IKZF4: variants seen among roughly 807,000 people sequenced by gnomAD.
The protein encoded by IKZF4 is zinc finger protein Eos.
In IKZF4, 11 loss-of-function variants were observed where a neutral mutation model predicts 47.7. That is an observed-to-expected ratio of 0.23 (90% confidence interval 0.15 to 0.38). IKZF4 has a LOEUF of 0.38. IKZF4 is among the 10% of genes least tolerant of loss of function. The pLI is 1.00. For synonymous variants in IKZF4, 298 were observed against 299.4 expected (o/e 1.00, Z 0.05); for missense variants, 557 against 784.9 (o/e 0.71, Z 3.47).
intron 1 of IKZF4, among the ~76,000 whole-genome samples, chr12:56,008,897 G>A (rs1474391102): frequency 6.6e-6 from 1 of 151,782 alleles, no homozygotes; most frequent in Non-Finnish European, 1.5e-5. Context: ...GGCTGGTCTT[G>A]AACTCCTGAC....
chr12:56,030,548 G>A (rs1399868730), intron 5 of IKZF4, among the ~76,000 whole-genome samples: 1 of 152,092 alleles, frequency 6.6e-6, no homozygotes, highest in African/African-American at 2.4e-5. Flanking sequence ...TGACCAACAT[G>A]GAGAAACCCT....
chr12:56,009,637 G>A (rs1891109414), intron 1 of IKZF4, among the ~76,000 whole-genome samples: 1 of 152,232 alleles, frequency 6.6e-6, no homozygotes, highest in African/African-American at 2.4e-5. Context: ...AGCTTCTGGG[G>A]TGGGCTTCAG....
At chr12:56,034,523 T>C (rs749891719) in intron 7 of IKZF4, 48 bp from the exon 8 acceptor site, 14 of 1,526,846 alleles carry the variant, frequency 9.2e-6, no homozygotes, top group East Asian at 9.1e-5. Context: ...CTGAGGAGAG[T>C]GTAGGAATTC....
rs971145068 is a variant in IKZF4, at chr12:56,037,687, G to C, written c.*2356G>C. The C allele has an allele frequency of 6.6e-6, 1 of 152,624 alleles. No homozygotes were observed. The highest frequency in any genetic ancestry group is 1.9e-4 in the East Asian group (1 of 5,184). 9.5% of individuals were successfully genotyped at this position (152,624 alleles called of 1,614,324 possible). A position where few individuals can be genotyped will look rare whatever the true frequency, so the allele number is the denominator to read the frequency against. Reference sequence around the variant, plus strand: ...AGCAGAGACTGGAAGGGCAAGACCAGGTGCTAAGGAGGGGAGAGGGGGCAT... The same window carrying C: ...AGCAGAGACTGGAAGGGCAAGACCACGTGCTAAGGAGGGGAGAGGGGGCAT... On this transcript the variant is annotated 3_prime_UTR_variant, in exon 8 of 8. Transcript: ENST00000547167.
chr12:56,034,189 CCG>C, intron 7 of IKZF4, among the ~76,000 whole-genome samples: 1 of 152,300 alleles, frequency 6.6e-6, no homozygotes, highest in South Asian at 2.1e-4. Flanking sequence ...GCGTGAGCCA[CCG>C]CGCCCGGCCC....
At chr12:56,019,457 A>G (rs1892564598), upstream of IKZF4, 1 of 759,030 alleles carries the variant, frequency 1.3e-6, no homozygotes, top group Admixed American at 6.3e-5. Context: ...TAAGGAGGGA[A>G]GGAGTTGGAA....
chr12:56,038,117 A>T lies in IKZF4; in HGVS notation c.*2786A>T, dbSNP rs1895774135. ...AAGTTATGAAGAACAAAAAGAAAAAATAAACACAGAAGCAAGTGCAATACC... is the reference window on the plus strand; with the variant it reads ...AAGTTATGAAGAACAAAAAGAAAAATTAAACACAGAAGCAAGTGCAATACC... On this transcript the variant is annotated 3_prime_UTR_variant, in exon 8 of 8. Transcript: ENST00000547167. The T allele has an allele frequency of 6.6e-6, 1 of 151,554 alleles. No individual in the cohort carries two copies. The highest frequency in any genetic ancestry group is 1.5e-5 in the Non-Finnish European group (1 of 67,832). The allele number at this position is 151,554 out of a possible 1,614,324, so 9.4% of individuals were successfully genotyped here.
intron 6 of IKZF4, 25 bp downstream of exon 6, chr12:56,032,735 G>A: frequency 6.2e-7 from 1 of 1,613,438 alleles, no homozygotes; most frequent in South Asian, 1.1e-5. Context: ...GTACTACTGG[G>A]GAGTTAAAAG....
Position 56,035,165 on chromosome 12 carries a change from A to G in IKZF4, c.1592A>G (p.Lys531Arg). ...GESGEPVKAF[K>R]CEHCRILFLD... ...AGTGGTGAGCCTGTGAAGGCCTTCAAGTGTGAGCACTGCCGTATCCTCTTC... is the reference window on the plus strand; with the variant it reads ...AGTGGTGAGCCTGTGAAGGCCTTCAGGTGTGAGCACTGCCGTATCCTCTTC... Residue 531 changes from lysine (K) to arginine (R), a missense_variant, in exon 8 of 8, where the codon AAG (lysine) becomes AGG (arginine). Lys to Arg is a conservative substitution (Grantham distance 26). This residue lies in a region of IKZF4 where 280 missense variants were observed against 314.0 expected (regional missense o/e 0.89). Transcript: ENST00000547167. The surrounding 1 kb of genome is among the most constrained non-coding windows in gnomAD (Gnocchi z 6.1). 2.5e-6 allele frequency: 4 copies of G among 1,614,204 alleles called. No individual in the cohort carries two copies. Among genetic ancestry groups the G allele is most frequent in the Non-Finnish European group, 8.5e-7 (1 of 1,180,016 alleles).
chr12:56,011,241 T>C (rs1891289121), intron 1 of IKZF4: 1 of 152,232 alleles, frequency 6.6e-6, no homozygotes, highest in Non-Finnish European at 1.5e-5. Flanking sequence ...AGAGCTATAC[T>C]TGGGGGTACA....
At chr12:56,031,236 G>C (rs1323788012) in intron 5 of IKZF4, among the ~76,000 whole-genome samples, 1 of 152,160 alleles carries the variant, frequency 6.6e-6, no homozygotes, top group African/African-American at 2.4e-5. Flanking sequence ...AGGCAACAGA[G>C]TAAGACTCTG....
intron 2 of IKZF4, among the ~76,000 whole-genome samples, chr12:56,011,898 A>G (rs1374623035): frequency 1.3e-5 from 2 of 152,104 alleles, no homozygotes; most frequent in Non-Finnish European, 2.9e-5. Flanking sequence ...CTCCTCAATT[A>G]TGCAAAGCTT....
intron 5 of IKZF4, among the ~76,000 whole-genome samples, chr12:56,030,614 T>A (rs1894773249): frequency 6.6e-6 from 1 of 150,776 alleles, no homozygotes. Context: ...CTGTAATCCC[T>A]GCTACTCGGG....
Position 56,021,538 on chromosome 12 carries a change from C to T in IKZF4, c.45C>T (p.Gly15=). Reference sequence around the variant, plus strand: ...TCCCTCGCCGTTTCCAAGGCGGCGGCCGCGTTCGCACCCCAGGGTCTCACC... The same window carrying T: ...TCCCTCGCCGTTTCCAAGGCGGCGGTCGCGTTCGCACCCCAGGGTCTCACC... ...PALPRRFQGG[G]RVRTPGSHRQ... The change falls in exon 1 of 8, where the codon GGC becomes GGT. Residue 15 remains glycine, a synonymous_variant. Transcript: ENST00000547167. The T allele has an allele frequency of 6.2e-7, 1 of 1,609,402 alleles. No homozygotes were observed.
chr12:56,008,867 G>C (rs1891019332), intron 1 of IKZF4, among the ~76,000 whole-genome samples: 1 of 151,776 alleles, frequency 6.6e-6, no homozygotes, highest in South Asian at 2.1e-4. Context: ...GTAGAGATGG[G>C]GGTCTCACCA....
Position 56,034,936 on chromosome 12 carries a change from G to A in IKZF4, c.1363G>A (p.Asp455Asn), listed in dbSNP as rs546379431. The change falls in exon 8 of 8, where the codon GAC (aspartate) becomes AAC (asparagine). Residue 455 changes from aspartate (D) to asparagine (N), a missense_variant. Around this residue, in one of 6 missense-constraint regions of IKZF4, gnomAD observed 280 missense variants for 314.0 expected, o/e 0.89. Transcript: ENST00000547167. ...GGCATCCCCCAGCAATGGCTGCCAGGACTCCACAGACACAGAAAGCAACCA... is the reference window on the plus strand; with the variant it reads ...GGCATCCCCCAGCAATGGCTGCCAGAACTCCACAGACACAGAAAGCAACCA... The part of the protein sequence containing the change: ...PGASPSNGCQ[D>N]STDTESNHED... The A allele has an allele frequency of 4.4e-6, 7 of 1,587,428 alleles. No homozygotes were observed. In the South Asian group the frequency reaches 7.9e-5, roughly 18 times the overall value.
intron 2 of IKZF4, among the ~76,000 whole-genome samples, chr12:56,015,376 C>T (rs1891897095): frequency 1.3e-5 from 2 of 152,018 alleles, no homozygotes; most frequent in African/African-American, 4.8e-5. Context: ...CGCCCGGCTT[C>T]AAGTGGCACT....
chr12:56,030,615 G>A (rs1894773749), intron 5 of IKZF4, among the ~76,000 whole-genome samples: 1 of 152,040 alleles, frequency 6.6e-6, no homozygotes, highest in Non-Finnish European at 1.5e-5. Flanking sequence ...TGTAATCCCT[G>A]CTACTCGGGA....
Position 56,036,713 on chromosome 12 carries a change from GA to G in IKZF4, c.*1383del, listed in dbSNP as rs1895662103. ...CACTCAGCTCCCAGACACAGGGTAG[GA>G]GGGGGGACTGCTGGCTACTGCAGAG... is the stretch of plus-strand genomic sequence containing the variant. On this transcript the variant is annotated 3_prime_UTR_variant, in exon 8 of 8. Coordinates refer to ENST00000547167, the MANE Select transcript of IKZF4 (RefSeq NM_022465.4). The G allele has an allele frequency of 6.6e-6, 1 of 152,132 alleles. No homozygotes were observed. Among genetic ancestry groups the G allele is most frequent in the African/African-American group, 2.4e-5 (1 of 41,402 alleles). The allele number at this position is 152,132 out of a possible 1,614,324, so 9.4% of individuals were successfully genotyped here.
Sources: allele counts gnomAD v4.1 joint callset (sites outside exome capture counted in the v4.1 genomes callset), GRCh38; gene constraint gnomAD v4.1.1; regional missense constraint gnomAD v4.1.1; non-coding constraint Gnocchi (gnomAD v3.1); transcripts MANE v1.5; gene names NCBI Gene and HGNC (gene_info 2026-07-23, HGNC 2026-07-21).